SOS1: variants seen among roughly 807,000 people sequenced by gnomAD.
The protein encoded by SOS1 is SOS Ras/Rac guanine nucleotide exchange factor 1.
A neutral mutation model predicts 157.6 loss-of-function variants in SOS1; 25 were observed. The ratio of observed to expected loss-of-function variants is 0.16; its 90% CI spans 0.12 to 0.22. The LOEUF is 0.22. Ranked by LOEUF, SOS1 falls within the 10% of genes least tolerant of loss-of-function variation. The pLI is 1.00. For missense variants in SOS1, 1,237 were observed against 1,599.1 expected (o/e 0.77, Z 3.86); for synonymous variants, 528 against 534.0 (o/e 0.99, Z 0.16).
chr2:39,085,241 TCTCA>T (rs1558506321), intron 1 of SOS1, among the ~76,000 whole-genome samples: 2 of 152,164 alleles, frequency 1.3e-5, no homozygotes, highest in African/African-American at 4.8e-5. Context: ...GAAATGGGTG[TCTCA>T]CTATGTTGCT....
chr2:39,032,861 A>T (rs1465499323), intron 8 of SOS1, among the ~76,000 whole-genome samples: 1 of 152,034 alleles, frequency 6.6e-6, no homozygotes, highest in African/African-American at 2.4e-5. Context: ...GCTGCTTGGG[A>T]AGCTGAGGCA....
At chr2:39,037,060 T>C (rs1670381271) in intron 6 of SOS1, among the ~76,000 whole-genome samples, 1 of 152,250 alleles carries the variant, frequency 6.6e-6, no homozygotes, top group African/African-American at 2.4e-5. Context: ...TTTTGCAATA[T>C]GGCATGTAAA....
rs537811402 is a variant in SOS1, at chr2:39,041,103, G to A, written c.865-5603C>T. On this transcript the variant is annotated intron_variant, in intron 6 of 22. Coordinates refer to ENST00000402219, the MANE Select transcript of SOS1 (RefSeq NM_005633.4). ...AGATGGAGTCTAACCTTGTCACCCA[G>A]GCTGGAGTGCAATCATGTGATTATG... Among the ~76,000 whole-genome samples the A allele has an allele frequency of 3.0e-4, 46 of 152,184 alleles. No individual in the cohort carries two copies. The South Asian group carries it at 9.5e-3, about 32-fold the overall frequency.
chr2:39,037,402 C>T (rs1174759169), intron 6 of SOS1, among the ~76,000 whole-genome samples: 1 of 152,142 alleles, frequency 6.6e-6, no homozygotes, highest in African/African-American at 2.4e-5. Context: ...TTTCAAGATT[C>T]ATCTATTTTG....
At chr2:39,113,154 T>A (rs939309772) in intron 1 of SOS1, among the ~76,000 whole-genome samples, 3 of 152,072 alleles carry the variant, frequency 2.0e-5, no homozygotes, top group African/African-American at 7.2e-5. Flanking sequence ...AGAAAAGATG[T>A]CATCACCCCT....
intron 1 of SOS1, among the ~76,000 whole-genome samples, chr2:39,097,390 C>A (rs1672809461): frequency 6.6e-6 from 1 of 152,144 alleles, no homozygotes; most frequent in Non-Finnish European, 1.5e-5. Context: ...AAAGCATCAA[C>A]ATGTTCTGTT....
intron 1 of SOS1, among the ~76,000 whole-genome samples, chr2:39,077,225 C>T (rs527761661): frequency 6.6e-6 from 1 of 151,514 alleles, no homozygotes; most frequent in Non-Finnish European, 1.5e-5. Context: ...CATCTGTAAT[C>T]TTAGCTACTT....
chr2:39,054,278 CA>C (rs1242892902), intron 5 of SOS1, among the ~76,000 whole-genome samples: 2 of 152,208 alleles, frequency 1.3e-5, no homozygotes, highest in Non-Finnish European at 2.9e-5. Flanking sequence ...TGGTACCTGA[CA>C]ATACAGTTGG....
At chr2:39,120,307 C>T in intron 1 of SOS1, 29 bp downstream of exon 1, 2 of 1,549,358 alleles carry the variant, frequency 1.3e-6, no homozygotes, top group Non-Finnish European at 1.7e-6. Flanking sequence ...GGGCTGCGGC[C>T]GGGAAGCGGG....
Position 38,982,886 on chromosome 2 carries a change from G to A in SOS1, c.*2938C>T, listed in dbSNP as rs1668444126. Reference sequence around the variant, plus strand: ...TAGAATCATAATATAGCCTCCAGCTGACATAGTAATTGTTCTCTGGGCTGT... The same window carrying A: ...TAGAATCATAATATAGCCTCCAGCTAACATAGTAATTGTTCTCTGGGCTGT... On this transcript the variant is annotated 3_prime_UTR_variant, in exon 23 of 23. Coordinates refer to ENST00000402219, the MANE Select transcript of SOS1 (RefSeq NM_005633.4). 1 of 152,114 alleles carries A rather than the reference G, an allele frequency of 6.6e-6. No homozygotes were observed. Among genetic ancestry groups the A allele is most frequent in the Non-Finnish European group, 1.5e-5 (1 of 67,998 alleles). 9.4% of individuals were successfully genotyped at this position (152,114 alleles called of 1,614,324 possible).
intron 1 of SOS1, among the ~76,000 whole-genome samples, chr2:39,095,317 T>C (rs1016162754): frequency 3.9e-5 from 6 of 152,110 alleles, no homozygotes; most frequent in Non-Finnish European, 7.4e-5. Context: ...AGACTCCAGT[T>C]TGAGAAACTA....
At chr2:39,035,979 A>T (rs1670329192) in intron 6 of SOS1, among the ~76,000 whole-genome samples, 1 of 152,192 alleles carries the variant, frequency 6.6e-6, no homozygotes, top group South Asian at 2.1e-4. Context: ...TCATTGTGAT[A>T]ATTTCACAAA....
intron 1 of SOS1, among the ~76,000 whole-genome samples, chr2:39,073,503 G>A (rs1238047402): frequency 6.6e-6 from 1 of 152,150 alleles, no homozygotes; most frequent in East Asian, 1.9e-4. Context: ...TATAGTAACT[G>A]TTCTTTTAAG....
At chr2:39,054,951 C>G (rs914506200) in intron 4 of SOS1, 128 bp from the exon 5 acceptor site, 5 of 637,738 alleles carry the variant, frequency 7.8e-6, no homozygotes, top group Non-Finnish European at 1.4e-5. Context: ...AATTTCTCTT[C>G]TTGGATATAT....
intron 8 of SOS1, among the ~76,000 whole-genome samples, chr2:39,029,037 C>G (rs1670069308): frequency 6.6e-6 from 1 of 152,130 alleles, no homozygotes; most frequent in Non-Finnish European, 1.5e-5. Context: ...GCTTTTGCTC[C>G]TGTTTGCCAT....
In SOS1 at chr2:38,997,455, A is replaced by T. The variant is rs766364451; in HGVS notation, c.2792-30T>A. The T allele has an allele frequency of 5.3e-6, 8 of 1,512,470 alleles. No homozygotes were observed. In the South Asian group the frequency reaches 8.0e-5, roughly 15 times the overall value. The allele number at this position is 1,512,470 out of a possible 1,614,324, so 93.7% of individuals were successfully genotyped here. On this transcript the variant is annotated intron_variant, in intron 17 of 22. Coordinates refer to ENST00000402219, the MANE Select transcript of SOS1 (RefSeq NM_005633.4). ...AAGATATAATGGAATGATTTCAAGG[A>T]TAAAGAAGGAAAATGCAAGTTTTTT... is the stretch of plus-strand genomic sequence containing the variant.
intron 1 of SOS1, among the ~76,000 whole-genome samples, chr2:39,110,333 G>A (rs888079230): frequency 6.6e-6 from 1 of 152,098 alleles, no homozygotes; most frequent in African/African-American, 2.4e-5. Flanking sequence ...ATTTAGTATA[G>A]ATGCAATTTC....
At chr2:39,078,618 C>T (rs1431483224) in intron 1 of SOS1, among the ~76,000 whole-genome samples, 1 of 152,122 alleles carries the variant, frequency 6.6e-6, no homozygotes, top group Admixed American at 6.6e-5. Context: ...GACCGTGAAC[C>T]CTACTGTGAA....
chr2:39,044,542 A>C (rs1670684980), intron 6 of SOS1, among the ~76,000 whole-genome samples: 1 of 152,184 alleles, frequency 6.6e-6, no homozygotes, highest in African/African-American at 2.4e-5. Flanking sequence ...TTATAGTTGA[A>C]ACTTAATCCT....
Sources: gnomAD v4.1 joint callset for allele counts (sites outside exome capture counted in the v4.1 genomes callset) on GRCh38, gnomAD v4.1.1 for gene constraint, MANE v1.5 for transcripts, NCBI Gene and HGNC (gene_info 2026-07-23, HGNC 2026-07-21) for gene names.